The following THSD4 variants were observed in gnomAD, a reference collection of about 807,000 sequenced individuals.
THSD4 encodes thrombospondin type 1 domain containing 4.
In THSD4, 69 loss-of-function variants were observed where a neutral mutation model predicts 119.0. The ratio of observed to expected loss-of-function variants is 0.58; its 90% confidence interval spans 0.48 to 0.71. The LOEUF is 0.71. Ranked by LOEUF, THSD4 falls within the 30% of genes least tolerant of loss-of-function variation. The pLI is 0.00. For missense variants in THSD4, 1,393 were observed against 1,391.1 expected (o/e 1.00, Z -0.02); for synonymous variants, 524 against 540.4 (o/e 0.97, Z 0.42).
chr15:71,309,094 C>T (rs1168330195), intron 6 of THSD4, among the ~76,000 whole-genome samples: 8 of 152,102 alleles, frequency 5.3e-5, no homozygotes, highest in East Asian at 1.9e-4. Flanking sequence ...TGATTACAGG[C>T]GCATGCCACC....
intron 10 of THSD4, among the ~76,000 whole-genome samples, chr15:71,736,733 C>T (rs2053120079): frequency 6.6e-6 from 1 of 152,158 alleles, no homozygotes; most frequent in Non-Finnish European, 1.5e-5. Context: ...GGGCTGGCCC[C>T]TCAGGGACAT....
intron 8 of THSD4, among the ~76,000 whole-genome samples, chr15:71,680,793 T>G (rs2051758267): frequency 6.6e-6 from 1 of 152,204 alleles, no homozygotes; most frequent in Non-Finnish European, 1.5e-5. Flanking sequence ...TAAGATGAAT[T>G]GACAATAATA....
At position 71,745,252 on chromosome 15, in the gene THSD4, A is replaced by G. The variant is rs1266918563; in HGVS notation, c.2036+17A>G. 1 of 1,613,350 alleles carries G rather than the reference A, an allele frequency of 6.2e-7. No homozygotes were observed. The highest frequency in any genetic ancestry group is 8.5e-7 in the Non-Finnish European group (1 of 1,179,630). ...CCCAGCCTTGTAAGAAGGCCCCTCC[A>G]TTTAGGTCGCCTATTACCGGGTCAC... On this transcript the variant is annotated intron_variant, in intron 12 of 17. Coordinates refer to ENST00000261862, the MANE Select transcript of THSD4 (RefSeq NM_024817.3).
chr15:71,296,227 G>A (rs1285192821), intron 6 of THSD4, among the ~76,000 whole-genome samples: 1 of 152,164 alleles, frequency 6.6e-6, no homozygotes, highest in African/African-American at 2.4e-5. Context: ...TCAGGAAATA[G>A]CCAAACTGTT....
At chr15:71,670,189 G>A (rs936646981) in intron 8 of THSD4, among the ~76,000 whole-genome samples, 4 of 151,794 alleles carry the variant, frequency 2.6e-5, no homozygotes, top group African/African-American at 7.3e-5. Context: ...CCATTAACTC[G>A]TCATTTACAT....
Position 71,154,803 on chromosome 15 carries a change from C to T in THSD4, c.30-60C>T, listed in dbSNP as rs192155312. The stretch of plus-strand genomic sequence containing the variant: ...TGATGAGATGGCGATGCTGCCTTCC[C>T]TGGGTGCTGCTGCCTGGAACATACT... On this transcript the variant is annotated intron_variant, in intron 2 of 17. Coordinates refer to ENST00000261862, the MANE Select transcript of THSD4 (RefSeq NM_024817.3). 457 of 1,560,248 alleles carry T rather than the reference C, an allele frequency of 2.9e-4. 2 individuals are homozygous for T. The African/African-American group carries it at 5.5e-3, about 19-fold the overall frequency.
intron 6 of THSD4, among the ~76,000 whole-genome samples, chr15:71,379,430 A>T (rs370804033): frequency 6.8e-5 from 10 of 147,630 alleles, no homozygotes; most frequent in East Asian, 3.9e-4. Flanking sequence ...TTTATGACAA[A>T]TTACTGAAGC....
At chr15:71,744,723 G>T (rs1271340587) in intron 11 of THSD4, among the ~76,000 whole-genome samples, 1 of 152,192 alleles carries the variant, frequency 6.6e-6, no homozygotes, top group Non-Finnish European at 1.5e-5. Context: ...GACGCTTCCA[G>T]AGAACTTTAG....
intron 1 of THSD4, among the ~76,000 whole-genome samples, chr15:71,120,432 T>C (rs1288472999): frequency 2.6e-5 from 4 of 152,140 alleles, no homozygotes; most frequent in African/African-American, 9.7e-5. Context: ...CACTGAGGTG[T>C]CATCCCAGGC....
intron 7 of THSD4, among the ~76,000 whole-genome samples, chr15:71,604,327 T>C (rs1307674344): frequency 1.3e-5 from 2 of 152,198 alleles, no homozygotes; most frequent in Non-Finnish European, 2.9e-5. Context: ...ATTCAATGCA[T>C]TTTTATAACA....
chr15:71,633,504 G>C (rs1312512808), intron 7 of THSD4, among the ~76,000 whole-genome samples: 3 of 151,908 alleles, frequency 2.0e-5, no homozygotes, highest in Non-Finnish European at 2.9e-5. Context: ...CGAACTTCTG[G>C]GCTCAAACGA....
chr15:71,239,928 G>A (rs1248973906), intron 4 of THSD4, among the ~76,000 whole-genome samples: 2 of 152,206 alleles, frequency 1.3e-5, no homozygotes, highest in African/African-American at 2.4e-5. Flanking sequence ...CAAATGTTCT[G>A]AGTCAAATAC....
intron 3 of THSD4, among the ~76,000 whole-genome samples, chr15:71,162,435 A>G (rs1324179101): frequency 1.3e-5 from 2 of 151,888 alleles, no homozygotes; most frequent in Non-Finnish European, 2.9e-5. Flanking sequence ...TCTTCTTTCA[A>G]CACTTTGAAT....
chr15:71,657,092 C>A (rs146184331), intron 7 of THSD4, among the ~76,000 whole-genome samples: 1 of 152,274 alleles, frequency 6.6e-6, no homozygotes, highest in East Asian at 1.9e-4. Flanking sequence ...TTGATCCTGT[C>A]CAGCACGACA....
chr15:71,526,651 A>T (rs188748855), intron 7 of THSD4, among the ~76,000 whole-genome samples: 1 of 152,276 alleles, frequency 6.6e-6, no homozygotes, highest in African/African-American at 2.4e-5. Context: ...ATGAAGCTTA[A>T]TCTCTCACTT....
chr15:71,542,715 A>G (rs2048775839), intron 7 of THSD4, among the ~76,000 whole-genome samples: 1 of 152,012 alleles, frequency 6.6e-6, no homozygotes, highest in African/African-American at 2.4e-5. Flanking sequence ...ATCTCTACTA[A>G]AGATACAAAA....
intron 7 of THSD4, among the ~76,000 whole-genome samples, chr15:71,441,481 G>GGT (rs2047089284): frequency 7.6e-6 from 1 of 132,204 alleles, no homozygotes; most frequent in Non-Finnish European, 1.6e-5. Context: ...GCCCCCTGGG[G>GGT]TTTTTTTTTT....
intron 11 of THSD4, among the ~76,000 whole-genome samples, chr15:71,744,157 T>TC (rs1310487759): frequency 6.7e-5 from 10 of 149,916 alleles, no homozygotes; most frequent in Non-Finnish European, 1.2e-4. Context: ...CTTTTTTTTT[T>TC]TTTTTTTTTT....
intron 6 of THSD4, among the ~76,000 whole-genome samples, chr15:71,387,287 G>T (rs1028809799): frequency 6.6e-6 from 1 of 152,036 alleles, no homozygotes; most frequent in Non-Finnish European, 1.5e-5. Flanking sequence ...AGGTGTTAGG[G>T]AAACATTTAC....
Sources: allele counts gnomAD v4.1 joint callset (sites outside exome capture counted in the v4.1 genomes callset), GRCh38; gene constraint gnomAD v4.1.1; transcripts MANE v1.5; gene names NCBI Gene and HGNC (gene_info 2026-07-23, HGNC 2026-07-21).